NUDT21: variants seen among roughly 807,000 people sequenced by gnomAD.
NUDT21 encodes nudix hydrolase 21.
In NUDT21, 5 loss-of-function variants were observed where a neutral mutation model predicts 29.8. The ratio of observed to expected loss-of-function variants is 0.17; its 90% CI spans 0.09 to 0.35. The LOEUF (loss-of-function observed/expected upper bound fraction) is 0.35. Among genes scored for constraint, NUDT21 ranks in the 10% least tolerant of loss-of-function variants. The probability of loss-of-function intolerance (pLI) is 1.00; values close to 1 mark genes in which losing one functional copy is unlikely to be tolerated. For missense variants in NUDT21, 76 were observed against 276.0 expected (o/e 0.28, Z 5.13); for synonymous variants, 113 against 98.5 (o/e 1.15, Z -0.87).
At position 56,430,247 on chromosome 16, in the gene NUDT21, AAAC is replaced by A. The variant is rs1399744622; in HGVS notation, c.*2462_*2464del. The A allele has an allele frequency of 6.6e-6, 1 of 152,230 alleles. No homozygotes were observed. Among genetic ancestry groups the A allele is most frequent in the Non-Finnish European group, 1.5e-5 (1 of 68,034 alleles). 9.4% of individuals were successfully genotyped at this position (152,230 alleles called of 1,614,324 possible). On this transcript the variant is annotated 3_prime_UTR_variant, in exon 7 of 7. Transcript: ENST00000300291. ...CAGTGGTCTTCATCACATGGCGAAAAAACAAACTTCACTCTTCTCCAAAGGGAT... is the reference window on the plus strand; with the variant it reads ...CAGTGGTCTTCATCACATGGCGAAAAAAACTTCACTCTTCTCCAAAGGGAT...
At chr16:56,432,878 C>T (rs894337588) in intron 6 of NUDT21, 145 bp from the exon 7 acceptor site, 9 of 536,828 alleles carry the variant, frequency 1.7e-5, no homozygotes, top group East Asian at 6.0e-5. Context: ...CTTTTTACCA[C>T]GTTTGGCATT....
chr16:56,429,582 C>T lies in NUDT21; in HGVS notation c.*3130G>A, dbSNP rs1283053424. The T allele has an allele frequency of 6.6e-6, 1 of 152,136 alleles. No individual in the cohort carries two copies. Among genetic ancestry groups the T allele is most frequent in the African/African-American group, 2.4e-5 (1 of 41,430 alleles). 9.4% of individuals were successfully genotyped at this position (152,136 alleles called of 1,614,324 possible). A position where few individuals can be genotyped will look rare whatever the true frequency, so the allele number is the denominator to read the frequency against. ...CAAATCAAATTACAGTATTAGGTTTCTCATCACGATTTGAACAAAAGCAAA... is the reference window on the plus strand; with the variant it reads ...CAAATCAAATTACAGTATTAGGTTTTTCATCACGATTTGAACAAAAGCAAA... On this transcript the variant is annotated 3_prime_UTR_variant, in exon 7 of 7. Transcript: ENST00000300291.
At chr16:56,438,562 A>G (rs374300055) in intron 4 of NUDT21, among the ~76,000 whole-genome samples, 2 of 152,230 alleles carry the variant, frequency 1.3e-5, no homozygotes, top group Non-Finnish European at 2.9e-5. Flanking sequence ...CAACTCCCAG[A>G]GGCCTAAAGG....
At chr16:56,446,762 A>G in intron 2 of NUDT21, 73 bp from the exon 3 acceptor site, 1 of 899,540 alleles carries the variant, frequency 1.1e-6, no homozygotes, top group Non-Finnish European at 1.8e-6. Flanking sequence ...AATAATTGTT[A>G]TTTCTACCAA....
At chr16:56,442,936 T>A (rs1277709084) in intron 3 of NUDT21, among the ~76,000 whole-genome samples, 1 of 152,218 alleles carries the variant, frequency 6.6e-6, no homozygotes, top group African/African-American at 2.4e-5. Flanking sequence ...AATGTCTTTT[T>A]AATAGCACTG....
rs375584748 is a variant in NUDT21 at position 56,444,095 on chromosome 16, C to T, written c.381+2531G>A. Among the ~76,000 whole-genome samples the T allele has an allele frequency of 1.2e-4, 19 of 152,244 alleles. No individual in the cohort carries two copies. In the East Asian group the frequency reaches 1.7e-3, roughly 14 times the overall value. On this transcript the variant is annotated intron_variant, in intron 3 of 6. Transcript: ENST00000300291. ...AGGAGTTTGAGACCAGCCTGGGCAACATAGCACGATCTCATCTCTATAAAA... is the reference window on the plus strand; with the variant it reads ...AGGAGTTTGAGACCAGCCTGGGCAATATAGCACGATCTCATCTCTATAAAA...
chr16:56,446,354 C>T (rs1962220957), intron 3 of NUDT21: 4 of 291,346 alleles, frequency 1.4e-5, no homozygotes, highest in East Asian at 6.5e-5. Context: ...AAGGAATTAG[C>T]GCATGTAAAG....
chr16:56,443,364 C>T (rs1041869870), intron 3 of NUDT21, among the ~76,000 whole-genome samples: 7 of 152,096 alleles, frequency 4.6e-5, no homozygotes, highest in Admixed American at 2.0e-4. Context: ...TTTGTAGAGA[C>T]GGGGTTTCAC....
rs1567536272 is a variant in NUDT21, at chr16:56,429,374, G to C, written c.*3338C>G. 1 of 152,052 alleles carries C rather than the reference G, an allele frequency of 6.6e-6. No individual in the cohort carries two copies. Among genetic ancestry groups the C allele is most frequent in the Non-Finnish European group, 1.5e-5 (1 of 68,020 alleles). The allele number at this position is 152,052 out of a possible 1,614,324, so 9.4% of individuals were successfully genotyped here. ...TAAATACATGACCTTTCCCTCAACA[G>C]AACAGCATAATCAATATATCTTCCC... On this transcript the variant is annotated 3_prime_UTR_variant, in exon 7 of 7. Coordinates refer to ENST00000300291, the MANE Select transcript of NUDT21 (RefSeq NM_007006.3).
intron 4 of NUDT21, among the ~76,000 whole-genome samples, chr16:56,437,892 T>A (rs1368576621): frequency 6.7e-6 from 1 of 150,228 alleles, no homozygotes; most frequent in Non-Finnish European, 1.5e-5. Flanking sequence ...TAGCAGCATA[T>A]TTTTTTTTTC....
In NUDT21 at chr16:56,451,161, G is replaced by C; in HGVS notation, c.42C>G (p.Pro14=). The C allele has an allele frequency of 6.2e-7, 1 of 1,612,998 alleles. No homozygotes were observed. The highest frequency in any genetic ancestry group is 1.1e-5 in the South Asian group (1 of 90,968). ...TGTTGCCGAACTGAGTGACCCCCCG[G>C]GGCCAGCCGGTCTGCGAGCGATTGG... ...VPPNRSQTGW[P]RGVTQFGNKY... Residue 14 remains proline (P), a synonymous_variant, in exon 1 of 7, where the codon CCC becomes CCG. Transcript: ENST00000300291.
intron 4 of NUDT21, among the ~76,000 whole-genome samples, chr16:56,436,987 A>G (rs908839882): frequency 2.0e-5 from 3 of 152,226 alleles, no homozygotes; most frequent in Admixed American, 6.5e-5. Flanking sequence ...AGCATTTTCC[A>G]ATTAGATCAA....
intron 4 of NUDT21, among the ~76,000 whole-genome samples, chr16:56,435,447 C>T (rs1490604214): frequency 1.3e-5 from 2 of 151,300 alleles, no homozygotes; most frequent in African/African-American, 4.8e-5. Context: ...TATATATAGG[C>T]TGGGCACAGT....
intron 3 of NUDT21, among the ~76,000 whole-genome samples, chr16:56,441,775 A>G (rs1217283291): frequency 6.6e-6 from 1 of 152,220 alleles, no homozygotes; most frequent in Non-Finnish European, 1.5e-5. Flanking sequence ...TCTTTAGTTA[A>G]TAACTTTCAT....
At chr16:56,450,367 A>C (rs1490607682) in intron 1 of NUDT21, among the ~76,000 whole-genome samples, 1 of 152,234 alleles carries the variant, frequency 6.6e-6, no homozygotes, top group African/African-American at 2.4e-5. Flanking sequence ...AAAGGTGTTG[A>C]AAATAAAACA....
Position 56,451,321 on chromosome 16 carries a change from G to C in NUDT21, c.-119C>G. 2 of 847,034 alleles carry C rather than the reference G, an allele frequency of 2.4e-6. No homozygotes were observed. The highest frequency in any genetic ancestry group is 3.7e-6 in the Non-Finnish European group (2 of 544,858). The allele number at this position is 847,034 out of a possible 1,614,324, so 52.5% of individuals were successfully genotyped here. A position where few individuals can be genotyped will look rare whatever the true frequency, so the allele number is the denominator to read the frequency against. ...GCTACTGCCCGCCATTAACAGGACA[G>C]CGCAAGAGGAGGCGTAGGCACGCCG... is the stretch of plus-strand genomic sequence containing the variant. On this transcript the variant is annotated 5_prime_UTR_variant, in exon 1 of 7. Coordinates refer to ENST00000300291, the MANE Select transcript of NUDT21 (RefSeq NM_007006.3).
chr16:56,434,691 G>C, intron 5 of NUDT21, 63 bp downstream of exon 5: 1 of 1,050,924 alleles, frequency 9.5e-7, no homozygotes, highest in South Asian at 1.3e-5. Flanking sequence ...CACAAATAGA[G>C]GTATCCTTGA....
chr16:56,447,114 G>A (rs1164244114), intron 2 of NUDT21: 1 of 159,550 alleles, frequency 6.3e-6, no homozygotes, highest in Non-Finnish European at 1.4e-5. Context: ...CCAACTTTAT[G>A]TCCATATGTA....
chr16:56,441,683 T>A (rs901253393), intron 3 of NUDT21, among the ~76,000 whole-genome samples: 6 of 152,276 alleles, frequency 3.9e-5, no homozygotes, highest in Non-Finnish European at 8.8e-5. Context: ...ATTCAGTATT[T>A]AAGTTAGTAT....
Sources: allele counts gnomAD v4.1 joint callset (sites outside exome capture counted in the v4.1 genomes callset), GRCh38; gene constraint gnomAD v4.1.1; transcripts MANE v1.5; gene names NCBI Gene and HGNC (gene_info 2026-07-23, HGNC 2026-07-21).